Variants in SFMBT2 observed in about 807,000 individuals in gnomAD.
The protein encoded by SFMBT2 is scm-like with four MBT domains protein 2.
Under a neutral mutation model 110.1 loss-of-function variants are expected in SFMBT2, and 38 were observed. That is an observed-to-expected ratio of 0.35 (90% confidence interval 0.27 to 0.45). The LOEUF is 0.45. Among genes scored for constraint, SFMBT2 ranks in the 20% least tolerant of loss-of-function variants. The pLI is 1.00. For synonymous variants in SFMBT2, 425 were observed against 425.4 expected (o/e 1.00, Z 0.01); for missense variants, 1,011 against 1,094.9 (o/e 0.92, Z 1.08).
At chr10:7,221,518 A>G (rs1169649685) in intron 10 of SFMBT2, among the ~76,000 whole-genome samples, 1 of 151,178 alleles carries the variant, frequency 6.6e-6, no homozygotes, top group African/African-American at 2.4e-5. Context: ...GTGAGCTGAG[A>G]TCTCGCCACT....
In SFMBT2 at chr10:7,158,650, A is replaced by G. The variant is rs1422112678; in HGVS notation, c.*5120T>C. Reference sequence around the variant, plus strand: ...AGAATTTATTTTTACTTTATTAACAATGTGGCTTACAATTTTTTTGAAGTA... The same window carrying G: ...AGAATTTATTTTTACTTTATTAACAGTGTGGCTTACAATTTTTTTGAAGTA... On this transcript the variant is annotated 3_prime_UTR_variant, in exon 21 of 21. Transcript: ENST00000397167. 6.6e-6 allele frequency: 1 copy of G among 152,244 alleles called. No individual in the cohort carries two copies. Among genetic ancestry groups the G allele is most frequent in the Admixed American group, 6.5e-5 (1 of 15,282 alleles). The allele number at this position is 152,244 out of a possible 1,614,324, so 9.4% of individuals were successfully genotyped here.
chr10:7,342,280 A>G (rs1453069858), intron 4 of SFMBT2, among the ~76,000 whole-genome samples: 1 of 152,130 alleles, frequency 6.6e-6, no homozygotes, highest in Non-Finnish European at 1.5e-5. Context: ...TTAAGCACAC[A>G]TAAGCATACA....
intron 9 of SFMBT2, among the ~76,000 whole-genome samples, 191 bp from the exon 10 acceptor site, chr10:7,228,128 C>T (rs539074506): frequency 1.2e-4 from 18 of 152,292 alleles, no homozygotes; most frequent in African/African-American, 3.9e-4. Context: ...GGTAAACCAT[C>T]GTTACTATAA....
intron 9 of SFMBT2, among the ~76,000 whole-genome samples, chr10:7,242,251 T>A (rs1840454605): frequency 6.6e-6 from 1 of 152,176 alleles, no homozygotes; most frequent in Non-Finnish European, 1.5e-5. Flanking sequence ...CCCACAGGTG[T>A]CTCCACTGGA....
rs369146005 is a variant in SFMBT2 at position 7,198,123 on chromosome 10, A to G, written c.1559-436T>C. 34 of 985,400 alleles carry G rather than the reference A, an allele frequency of 3.5e-5. No individual in the cohort carries two copies. The East Asian group carries it at 1.9e-3, about 56-fold the overall frequency. The allele number at this position is 985,400 out of a possible 1,614,324, so 61.0% of individuals were successfully genotyped here. Reference sequence around the variant, plus strand: ...CACAGAAGCATGCATGTGCCTACAAACAATATATGATATATTAAACATATT... The same window carrying G: ...CACAGAAGCATGCATGTGCCTACAAGCAATATATGATATATTAAACATATT... On this transcript the variant is annotated intron_variant, in intron 14 of 20. Coordinates refer to ENST00000397167, the MANE Select transcript of SFMBT2 (RefSeq NM_001387889.1).
intron 4 of SFMBT2, among the ~76,000 whole-genome samples, chr10:7,353,653 A>ACTC (rs1844402088): frequency 3.9e-5 from 6 of 152,152 alleles, no homozygotes; most frequent in Admixed American, 3.9e-4. Flanking sequence ...GGCGTTGAGA[A>ACTC]ATGTTTCATT....
At chr10:7,254,794 C>T (rs1181966551) in intron 7 of SFMBT2, among the ~76,000 whole-genome samples, 2 of 152,106 alleles carry the variant, frequency 1.3e-5, no homozygotes, top group Admixed American at 6.5e-5. Context: ...AGCCACTGCA[C>T]TCAAGCCTGG....
At chr10:7,353,581 C>CA (rs1175325708) in intron 4 of SFMBT2, among the ~76,000 whole-genome samples, 2 of 151,780 alleles carry the variant, frequency 1.3e-5, no homozygotes, top group African/African-American at 4.8e-5. Flanking sequence ...CTTTCTTGTT[C>CA]ATATACCCCC....
chr10:7,332,598 C>T (rs1408647455), intron 4 of SFMBT2, among the ~76,000 whole-genome samples: 1 of 152,142 alleles, frequency 6.6e-6, no homozygotes, highest in African/African-American at 2.4e-5. Flanking sequence ...TATAAAAATG[C>T]TTTTTATTAA....
intron 8 of SFMBT2, chr10:7,244,198 C>G (rs553875048): frequency 4.1e-6 from 1 of 246,088 alleles, no homozygotes; most frequent in South Asian, 1.5e-4. Context: ...CCCTCCAGCC[C>G]GAGAGGAAAT....
At chr10:7,197,425 GGA>G in intron 15 of SFMBT2, 121 bp downstream of exon 15, 1 of 1,319,656 alleles carries the variant, frequency 7.6e-7, no homozygotes, top group Non-Finnish European at 1.0e-6. Flanking sequence ...TGGAGAGAAC[GGA>G]GGTCTCGGTA....
intron 7 of SFMBT2, 71 bp downstream of exon 7, chr10:7,276,821 C>T (rs1481725468): frequency 8.8e-6 from 7 of 791,266 alleles, no homozygotes; most frequent in South Asian, 4.1e-5. Context: ...CCACTGCGCC[C>T]GGCCGGAAAA....
intron 7 of SFMBT2, among the ~76,000 whole-genome samples, chr10:7,254,980 C>T (rs1401075644): frequency 1.3e-5 from 2 of 152,174 alleles, no homozygotes; most frequent in Non-Finnish European, 2.9e-5. Context: ...TTGAAGAATT[C>T]AACACCAGCG....
intron 16 of SFMBT2, among the ~76,000 whole-genome samples, chr10:7,179,394 A>G (rs1362273323): frequency 1.3e-4 from 5 of 37,600 alleles, no homozygotes; most frequent in African/African-American, 2.1e-4. Context: ...CATTTTCGAA[A>G]AAAAAAAAAA....
chr10:7,247,454 A>G (rs1029297006), intron 8 of SFMBT2, among the ~76,000 whole-genome samples: 1 of 152,202 alleles, frequency 6.6e-6, no homozygotes, highest in African/African-American at 2.4e-5. Context: ...TTTAATGGTT[A>G]TAAAAATAAT....
At chr10:7,292,070 T>C (rs182073894) in intron 4 of SFMBT2, 2 of 152,758 alleles carry the variant, frequency 1.3e-5, no homozygotes, top group Admixed American at 1.3e-4. Context: ...TTAAGTTCTT[T>C]GTGTTGTTGA....
intron 16 of SFMBT2, 130 bp from the exon 17 acceptor site, chr10:7,176,295 GT>G: frequency 9.4e-7 from 1 of 1,069,150 alleles, no homozygotes; most frequent in African/African-American, 1.6e-5. Context: ...AGTTTCCCAT[GT>G]TGCTTCTGTT....
rs569990438 is a variant in SFMBT2 at position 7,385,785 on chromosome 10, G to C, written c.-51-3836C>G. 7.0e-3 allele frequency among the ~76,000 whole-genome samples: 1,063 copies of C among 152,156 alleles called. 10 individuals are homozygous for C. Among genetic ancestry groups the C allele is most frequent in the Middle Eastern group, 0.037 (11 of 294 alleles). ...GAGGCCGAGGCGGGCGGATCACGAG[G>C]TCAGGAGATCAAGACCATCCTGGCT... On this transcript the variant is annotated intron_variant, in intron 1 of 20. Coordinates refer to ENST00000397167, the MANE Select transcript of SFMBT2 (RefSeq NM_001387889.1).
chr10:7,403,719 C>T (rs1382351126), intron 1 of SFMBT2, among the ~76,000 whole-genome samples: 2 of 152,160 alleles, frequency 1.3e-5, no homozygotes, highest in Non-Finnish European at 2.9e-5. Flanking sequence ...CAAGAGGTTA[C>T]AATCTTAAGA....
Sources: allele counts gnomAD v4.1 joint callset (sites outside exome capture counted in the v4.1 genomes callset), GRCh38; gene constraint gnomAD v4.1.1; transcripts MANE v1.5; gene names NCBI Gene and HGNC (gene_info 2026-07-23, HGNC 2026-07-21).